FRMD3: variants seen among roughly 807,000 people sequenced by gnomAD.
FRMD3 encodes FERM domain-containing protein 3.
A neutral mutation model predicts 70.2 loss-of-function variants in FRMD3; 33 were observed. The observed-to-expected ratio is 0.47, with a 90% confidence interval of 0.36 to 0.63. The LOEUF is 0.63. Among genes scored for constraint, FRMD3 ranks in the 20% least tolerant of loss-of-function variants. The pLI is 0.00. For synonymous variants in FRMD3, 279 were observed against 255.9 expected (o/e 1.09, Z -0.86); for missense variants, 632 against 711.4 (o/e 0.89, Z 1.27).
intron 1 of FRMD3, among the ~76,000 whole-genome samples, chr9:83,462,679 T>G (rs1262365999): frequency 6.6e-6 from 1 of 152,092 alleles, no homozygotes; most frequent in Non-Finnish European, 1.5e-5. Context: ...AGATATCTCT[T>G]TCTAAGAGTT....
rs77867393 is a variant in FRMD3, at chr9:83,286,998, C to T, written c.1195+3605G>A. Among the ~76,000 whole-genome samples, 1,046 of 152,246 alleles carry T rather than the reference C, an allele frequency of 6.9e-3. 9 individuals are homozygous for T. The highest frequency in any genetic ancestry group is 0.033 in the East Asian group (169 of 5,174). Reference sequence around the variant, plus strand: ...ATGTCTCCGAGATAAGAGCAGGACCCGGACGGTAGGAATCCACAGGCTGTG... The same window carrying T: ...ATGTCTCCGAGATAAGAGCAGGACCTGGACGGTAGGAATCCACAGGCTGTG... On this transcript the variant is annotated intron_variant, in intron 13 of 13. Transcript: ENST00000304195.
At chr9:83,341,019 C>G (rs988248901) in intron 5 of FRMD3, among the ~76,000 whole-genome samples, 2 of 152,196 alleles carry the variant, frequency 1.3e-5, no homozygotes, top group Non-Finnish European at 2.9e-5. Flanking sequence ...CTTACTCCAT[C>G]TTCCCTATTA....
At chr9:83,294,602 G>A (rs897414219) in intron 12 of FRMD3, among the ~76,000 whole-genome samples, 8 of 152,134 alleles carry the variant, frequency 5.3e-5, no homozygotes, top group Admixed American at 1.3e-4. Flanking sequence ...CTCTTAGTGC[G>A]TCTTGCCTAT....
chr9:83,461,664 C>T (rs1259151073), intron 1 of FRMD3, among the ~76,000 whole-genome samples: 2 of 121,072 alleles, frequency 1.7e-5, no homozygotes, highest in African/African-American at 3.2e-5. Flanking sequence ...CAGGAATTTC[C>T]CTTTTTTTTT....
intron 1 of FRMD3, among the ~76,000 whole-genome samples, chr9:83,503,044 T>C (rs549294196): frequency 1.3e-5 from 2 of 152,314 alleles, no homozygotes; most frequent in Admixed American, 6.5e-5. Flanking sequence ...CTGCTAATAC[T>C]ACTGATATTG....
At chr9:83,356,270 C>CTTTTTTTTTTTTTT (rs1824332411) in intron 3 of FRMD3, among the ~76,000 whole-genome samples, 4 of 114,918 alleles carry the variant, frequency 3.5e-5, no homozygotes, top group African/African-American at 1.1e-4. Flanking sequence ...CACTCAGCAG[C>CTTTTTTTTTTTTTT]ATTTTTTTTT....
chr9:83,428,305 G>C (rs1587843462), intron 1 of FRMD3, among the ~76,000 whole-genome samples: 1 of 149,084 alleles, frequency 6.7e-6, no homozygotes, highest in Non-Finnish European at 1.5e-5. Context: ...TTGAACCCGG[G>C]AGGCAGAAGT....
intron 3 of FRMD3, among the ~76,000 whole-genome samples, chr9:83,357,268 TATATATATATATATATATATATATATATA>T (rs1824418876): frequency 1.5e-5 from 1 of 67,248 alleles, no homozygotes; most frequent in Non-Finnish European, 2.6e-5. Context: ...TATATATATA[TATATATATATATATATATATATATATATA>T]AAACATTTTC....
At chr9:83,558,844 G>A in the FRMD3 span, among the ~76,000 whole-genome samples, 1 of 152,218 alleles carries the variant, frequency 6.6e-6, no homozygotes, top group Non-Finnish European at 1.5e-5. Flanking sequence ...AGACTTCAGT[G>A]GAGGAAGTAA....
intron 1 of FRMD3, among the ~76,000 whole-genome samples, chr9:83,480,043 C>T (rs1265841832): frequency 1.3e-5 from 2 of 152,052 alleles, no homozygotes; most frequent in African/African-American, 4.8e-5. Flanking sequence ...GATATTATCT[C>T]CTAAAGTAGA....
intron 1 of FRMD3, among the ~76,000 whole-genome samples, chr9:83,501,376 C>A (rs1254534188): frequency 6.6e-6 from 1 of 152,016 alleles, no homozygotes; most frequent in Non-Finnish European, 1.5e-5. Flanking sequence ...GTCAAGAAGA[C>A]AGGGCAAGAC....
At chr9:83,533,164 C>G (rs1276556398) in intron 1 of FRMD3, among the ~76,000 whole-genome samples, 2 of 152,174 alleles carry the variant, frequency 1.3e-5, no homozygotes, top group Non-Finnish European at 2.9e-5. Flanking sequence ...TGAAAGAGCT[C>G]TGGATTTTGA....
chr9:83,512,174 G>A (rs1041037088), intron 1 of FRMD3, among the ~76,000 whole-genome samples: 1 of 152,162 alleles, frequency 6.6e-6, no homozygotes, highest in African/African-American at 2.4e-5. Flanking sequence ...CACATACTAA[G>A]TGCTCAACAG....
chr9:83,457,578 T>C (rs1462020597), intron 1 of FRMD3, among the ~76,000 whole-genome samples: 1 of 152,238 alleles, frequency 6.6e-6, no homozygotes, highest in African/African-American at 2.4e-5. Flanking sequence ...AGATTCCTTA[T>C]AGTGCTTAAT....
At chr9:83,323,158 A>G (rs1835866378) in intron 6 of FRMD3, among the ~76,000 whole-genome samples, 1 of 152,228 alleles carries the variant, frequency 6.6e-6, no homozygotes. Context: ...ACCCTATAAT[A>G]CAGCAATTCC....
At chr9:83,585,579 A>T in the FRMD3 span, among the ~76,000 whole-genome samples, 14 of 152,268 alleles carry the variant, frequency 9.2e-5, no homozygotes, top group East Asian at 1.4e-3. Context: ...TGCTGCCTGG[A>T]ATACAGACTT....
At chr9:83,408,547 A>T (rs915234499) in intron 1 of FRMD3, among the ~76,000 whole-genome samples, 1 of 152,234 alleles carries the variant, frequency 6.6e-6, no homozygotes. Context: ...AGTTCAGAAA[A>T]GACACATGAA....
At chr9:83,554,638 C>T in the FRMD3 span, among the ~76,000 whole-genome samples, 1 of 152,330 alleles carries the variant, frequency 6.6e-6, no homozygotes, top group Non-Finnish European at 1.5e-5. Flanking sequence ...GTGGATAAGA[C>T]ACTTAAAGTC....
intron 1 of FRMD3, among the ~76,000 whole-genome samples, chr9:83,462,817 C>G (rs537441635): frequency 3.0e-4 from 45 of 152,316 alleles, no homozygotes; most frequent in Middle Eastern, 3.4e-3. Flanking sequence ...TCTCAATGAA[C>G]TGTCCTGGCA....
Sources: allele counts gnomAD v4.1 joint callset (sites outside exome capture counted in the v4.1 genomes callset), GRCh38; gene constraint gnomAD v4.1.1; transcripts MANE v1.5; gene names NCBI Gene and HGNC (gene_info 2026-07-23, HGNC 2026-07-21).